The following GALNT13 variants were observed in gnomAD, a reference collection of about 807,000 sequenced individuals.
GALNT13 encodes the protein UDP-GalNAc:polypeptide N-acetylgalactosaminyltransferase 13.
A neutral mutation model predicts 64.2 loss-of-function variants in GALNT13; 28 were observed. The ratio of observed to expected loss-of-function variants is 0.44; its 90% CI spans 0.32 to 0.60. GALNT13 has a LOEUF of 0.60. Among genes scored for constraint, GALNT13 ranks in the 20% least tolerant of loss-of-function variants. The pLI, the probability that GALNT13 is intolerant of heterozygous loss-of-function variation, is 0.05. For synonymous variants in GALNT13, 214 were observed against 224.6 expected, an observed-to-expected ratio of 0.95 and a Z score of 0.42; for missense variants, 577 against 669.8, an observed-to-expected ratio of 0.86 and a Z score of 1.53.
chr2:153,479,893 C>T, the GALNT13 span, among the ~76,000 whole-genome samples: 1 of 152,138 alleles, frequency 6.6e-6, no homozygotes, highest in Non-Finnish European at 1.5e-5. Flanking sequence ...GTTCCCGCTC[C>T]CCCTTTTCTG....
chr2:153,479,896 C>A, the GALNT13 span, among the ~76,000 whole-genome samples: 1 of 152,156 alleles, frequency 6.6e-6, no homozygotes, highest in Non-Finnish European at 1.5e-5. Flanking sequence ...CCCGCTCCCC[C>A]TTTTCTGTTT....
the GALNT13 span, among the ~76,000 whole-genome samples, chr2:153,176,721 G>T: frequency 6.9e-6 from 1 of 144,382 alleles, no homozygotes; most frequent in Admixed American, 7.0e-5. Context: ...AATGATAAAA[G>T]ATCTCAACCT....
At chr2:153,316,831 G>A in the GALNT13 span, among the ~76,000 whole-genome samples, 1 of 152,202 alleles carries the variant, frequency 6.6e-6, no homozygotes, top group Non-Finnish European at 1.5e-5. Flanking sequence ...TGAGGAATAA[G>A]TGACGTGGCA....
At chr2:154,236,632 G>T (rs138022195) in intron 4 of GALNT13, among the ~76,000 whole-genome samples, 7 of 152,070 alleles carry the variant, frequency 4.6e-5, no homozygotes, top group Non-Finnish European at 8.8e-5. Flanking sequence ...TCTTGATTTG[G>T]ACATCAAATA....
At chr2:154,129,201 C>T (rs1682471741) in intron 3 of GALNT13, among the ~76,000 whole-genome samples, 1 of 152,130 alleles carries the variant, frequency 6.6e-6, no homozygotes, top group Non-Finnish European at 1.5e-5. Flanking sequence ...CCCGCCATCC[C>T]AATTACCACA....
At chr2:153,705,222 C>T in the GALNT13 span, among the ~76,000 whole-genome samples, 1 of 152,078 alleles carries the variant, frequency 6.6e-6, no homozygotes, top group East Asian at 1.9e-4. Context: ...AATATGGCTC[C>T]ACTGACTAGT....
At chr2:153,673,469 C>G in the GALNT13 span, among the ~76,000 whole-genome samples, 1 of 152,184 alleles carries the variant, frequency 6.6e-6, no homozygotes, top group Non-Finnish European at 1.5e-5. Context: ...ACATGATTAT[C>G]TCAATAGATG....
chr2:153,472,183 A>G, the GALNT13 span, among the ~76,000 whole-genome samples: 1 of 152,196 alleles, frequency 6.6e-6, no homozygotes, highest in African/African-American at 2.4e-5. Flanking sequence ...TGACTCTTTC[A>G]GGGCAGTATA....
At chr2:154,124,016 G>A (rs1682112326) in intron 3 of GALNT13, among the ~76,000 whole-genome samples, 1 of 151,922 alleles carries the variant, frequency 6.6e-6, no homozygotes, top group Non-Finnish European at 1.5e-5. Flanking sequence ...TATTGCATTT[G>A]AATAATACTT....
chr2:153,622,437 A>G, the GALNT13 span, among the ~76,000 whole-genome samples: 2 of 152,290 alleles, frequency 1.3e-5, no homozygotes, highest in Non-Finnish European at 2.9e-5. Context: ...AATAGCCACA[A>G]AAGCACATTT....
chr2:153,099,650 AT>A, the GALNT13 span, among the ~76,000 whole-genome samples: 1 of 152,206 alleles, frequency 6.6e-6, no homozygotes, highest in South Asian at 2.1e-4. Context: ...TGGGTAAATT[AT>A]AGGTGTAACT....
chr2:153,830,030 A>G, the GALNT13 span, among the ~76,000 whole-genome samples: 2 of 152,172 alleles, frequency 1.3e-5, no homozygotes, highest in Admixed American at 6.5e-5. Context: ...CATTTTATGA[A>G]TGGAAAGTTT....
intron 3 of GALNT13, among the ~76,000 whole-genome samples, chr2:154,099,905 T>C (rs1261638912): frequency 1.3e-5 from 2 of 152,100 alleles, no homozygotes; most frequent in African/African-American, 4.8e-5. Context: ...TCCACTGCAC[T>C]CCAGCCTGGG....
At chr2:153,236,286 CAGA>C in the GALNT13 span, among the ~76,000 whole-genome samples, 6 of 152,088 alleles carry the variant, frequency 3.9e-5, no homozygotes, top group African/African-American at 1.4e-4. Context: ...GCAAGAGATC[CAGA>C]AGATCTAGCT....
At chr2:153,624,570 C>T in the GALNT13 span, among the ~76,000 whole-genome samples, 27 of 152,238 alleles carry the variant, frequency 1.8e-4, no homozygotes, top group Admixed American at 1.6e-3. Context: ...AGACATGCAA[C>T]AGAGCCAAGT....
chr2:154,343,002 G>T (rs905227096), intron 9 of GALNT13, among the ~76,000 whole-genome samples: 2 of 151,982 alleles, frequency 1.3e-5, no homozygotes, highest in Non-Finnish European at 2.9e-5. Flanking sequence ...TATTTAGTAT[G>T]AATTTGCCAC....
intron 11 of GALNT13, among the ~76,000 whole-genome samples, chr2:154,409,637 A>G (rs1013677939): frequency 6.6e-6 from 1 of 151,968 alleles, no homozygotes; most frequent in Non-Finnish European, 1.5e-5. Context: ...CATGGAGGCT[A>G]TTTGGCTGTG....
At chr2:153,131,205 C>T in the GALNT13 span, among the ~76,000 whole-genome samples, 1 of 152,138 alleles carries the variant, frequency 6.6e-6, no homozygotes, top group Non-Finnish European at 1.5e-5. Flanking sequence ...CATCAGCTAC[C>T]TCCAAATTAT....
chr2:154,196,159 C>T (rs942524198), intron 4 of GALNT13, among the ~76,000 whole-genome samples: 1 of 151,870 alleles, frequency 6.6e-6, no homozygotes, highest in Non-Finnish European at 1.5e-5. Flanking sequence ...GATTGTAAAG[C>T]CTAGAACTGT....
Sources: allele counts gnomAD v4.1 joint callset (sites outside exome capture counted in the v4.1 genomes callset), GRCh38; gene constraint gnomAD v4.1.1; transcripts MANE v1.5; gene names NCBI Gene and HGNC (gene_info 2026-07-23, HGNC 2026-07-21).